The following NAALADL2 variants were observed in gnomAD, a reference collection of about 807,000 sequenced individuals.
NAALADL2 encodes inactive N-acetylated-alpha-linked acidic dipeptidase-like protein 2.
Under a neutral mutation model 87.2 loss-of-function variants are expected in NAALADL2, and 76 were observed. The observed-to-expected ratio is 0.87, with a 90% CI of 0.72 to 1.05. The LOEUF is 1.05. Among genes scored for constraint, NAALADL2 ranks in the 50% least tolerant of loss-of-function variants. The probability of loss-of-function intolerance (pLI) is 0.00; values close to 1 mark genes in which losing one functional copy is unlikely to be tolerated. For synonymous variants in NAALADL2, 354 were observed against 331.0 expected (o/e 1.07, Z -0.75); for missense variants, 1,089 against 945.8 (o/e 1.15, Z -1.99).
rs543137936 is a variant in NAALADL2, at chr3:175,809,067, A to AT, written c.*5869dup. 5.3e-5 allele frequency: 8 copies of AT among 152,054 alleles called. No individual in the cohort carries two copies. Among genetic ancestry groups the AT allele is most frequent in the Non-Finnish European group, 7.4e-5 (5 of 67,940 alleles). 9.4% of individuals were successfully genotyped at this position (152,054 alleles called of 1,614,324 possible). Reference sequence around the variant, plus strand: ...TGCTAGTGTTTTATTAATATTAAAAATTTTTGTTTACTTATATATCAAGCT... The same window carrying AT: ...TGCTAGTGTTTTATTAATATTAAAAATTTTTTGTTTACTTATATATCAAGCT... On this transcript the variant is annotated 3_prime_UTR_variant, in exon 14 of 14. Coordinates refer to ENST00000454872, the MANE Select transcript of NAALADL2 (RefSeq NM_207015.3).
Position 175,808,720 on chromosome 3 carries a change from G to C in NAALADL2, c.*5517G>C, listed in dbSNP as rs1754910726. The C allele has an allele frequency of 6.6e-6, 1 of 151,920 alleles. No homozygotes were observed. The highest frequency in any genetic ancestry group is 1.5e-5 in the Non-Finnish European group (1 of 67,944). The allele number at this position is 151,920 out of a possible 1,614,324, so 9.4% of individuals were successfully genotyped here. ...GCCATATGTCATGTGCTATATTCCT[G>C]CAAGCTCAAGAGATTAATATACAAT... On this transcript the variant is annotated 3_prime_UTR_variant, in exon 14 of 14. Transcript: ENST00000454872.
rs914266351 is a variant in NAALADL2 at position 175,065,886 on chromosome 3, T to A, written c.44-30904T>A. Among the ~76,000 whole-genome samples, 8 of 152,190 alleles carry A rather than the reference T, an allele frequency of 5.3e-5. No individual in the cohort carries two copies. The East Asian group carries it at 1.5e-3, about 29-fold the overall frequency. On this transcript the variant is annotated intron_variant, in intron 1 of 13. Coordinates refer to ENST00000454872, the MANE Select transcript of NAALADL2 (RefSeq NM_207015.3). ...AGTTATGTAAGTTTCCATATAGCTG[T>A]GAGCAACAGAGATATAGAGAATTGA...
Position 175,716,520 on chromosome 3 carries a change from G to A in NAALADL2, c.1897-20786G>A, listed in dbSNP as rs1582995327. On this transcript the variant is annotated intron_variant, in intron 11 of 13. Transcript: ENST00000454872. The stretch of plus-strand genomic sequence containing the variant: ...ACTAAGAAGCTCAAAATTAAGCTGA[G>A]GGTTAAAGGATGAGAATGAGTCAGC... Among the ~76,000 whole-genome samples, 4 of 151,990 alleles carry A rather than the reference G, an allele frequency of 2.6e-5. No homozygotes were observed. In the East Asian group the frequency reaches 5.8e-4, roughly 22 times the overall value.
rs561949745 is a variant in NAALADL2 at position 174,945,187 on chromosome 3, G to A, written c.43+85737G>A. On this transcript the variant is annotated intron_variant, in intron 1 of 13. Transcript: ENST00000454872. Reference sequence around the variant, plus strand: ...AAAAGAGGTATACCAGAATTAATGAGAAACCGTGTACCAGGCTCTGAGCCA... The same window carrying A: ...AAAAGAGGTATACCAGAATTAATGAAAAACCGTGTACCAGGCTCTGAGCCA... 2.1e-4 allele frequency among the ~76,000 whole-genome samples: 32 copies of A among 152,266 alleles called. No homozygotes were observed. The South Asian group carries it at 2.9e-3, about 14-fold the overall frequency.
intron 2 of NAALADL2, among the ~76,000 whole-genome samples, chr3:174,579,061 C>A (rs2108554737): frequency 6.6e-6 from 1 of 152,034 alleles, no homozygotes; most frequent in South Asian, 2.1e-4. Flanking sequence ...AGACCACTAA[C>A]ACCTTGAATG....
chr3:174,896,553 G>A (rs1454208828), intron 1 of NAALADL2, among the ~76,000 whole-genome samples: 1 of 152,020 alleles, frequency 6.6e-6, no homozygotes, highest in Non-Finnish European at 1.5e-5. Context: ...CCTTATCCAT[G>A]GATTAGAAGA....
At chr3:174,884,587 G>T (rs561997491) in intron 1 of NAALADL2, among the ~76,000 whole-genome samples, 1 of 152,150 alleles carries the variant, frequency 6.6e-6, no homozygotes, top group African/African-American at 2.4e-5. Flanking sequence ...CAGAAGCATT[G>T]TGTGCAGGAT....
chr3:175,668,474 C>G (rs1733510626), intron 11 of NAALADL2, among the ~76,000 whole-genome samples: 2 of 151,972 alleles, frequency 1.3e-5, no homozygotes, highest in African/African-American at 4.8e-5. Flanking sequence ...AAAACTGAAG[C>G]TACACTACAC....
At chr3:175,733,803 G>A (rs950204645) in intron 11 of NAALADL2, among the ~76,000 whole-genome samples, 1 of 152,168 alleles carries the variant, frequency 6.6e-6, no homozygotes, top group Non-Finnish European at 1.5e-5. Flanking sequence ...TTACAAATGG[G>A]AGAAATTGAC....
chr3:174,505,294 G>C (rs546066441), intron 1 of NAALADL2, among the ~76,000 whole-genome samples: 1 of 152,226 alleles, frequency 6.6e-6, no homozygotes, highest in Admixed American at 6.5e-5. Context: ...TGAAAAAATT[G>C]TGAGTTAATA....
At chr3:175,764,107 CTTTAT>C (rs894228334) in intron 13 of NAALADL2, among the ~76,000 whole-genome samples, 3 of 150,240 alleles carry the variant, frequency 2.0e-5, no homozygotes, top group African/African-American at 7.3e-5. Flanking sequence ...TTAAATTAAC[CTTTAT>C]TTTATTATTA....
At chr3:175,154,105 C>A (rs1196123981) in intron 2 of NAALADL2, among the ~76,000 whole-genome samples, 2 of 152,044 alleles carry the variant, frequency 1.3e-5, no homozygotes, top group Non-Finnish European at 2.9e-5. Context: ...GAAGTGGTGG[C>A]CAGTGTAACT....
At chr3:174,792,278 GGGAGGGAA>G (rs1377797261) in intron 3 of NAALADL2, among the ~76,000 whole-genome samples, 1 of 151,238 alleles carries the variant, frequency 6.6e-6, no homozygotes, top group African/African-American at 2.4e-5. Flanking sequence ...GAAGGAAGGA[GGGAGGGAA>G]GGAGGGAGGG....
intron 11 of NAALADL2, among the ~76,000 whole-genome samples, chr3:175,693,149 T>A (rs1410499355): frequency 6.6e-6 from 1 of 152,150 alleles, no homozygotes; most frequent in African/African-American, 2.4e-5. Flanking sequence ...CCAACAGTGA[T>A]GTGTGAGACC....
chr3:175,100,539 A>T lies in NAALADL2; in HGVS notation c.545+3248A>T, dbSNP rs1399310990. ...TAAGAGATTCACAAGCTAGTTGCTG[A>T]TAAAAGTGCAAAAGAAGGCCAGGGG... On this transcript the variant is annotated intron_variant, in intron 2 of 13. Coordinates refer to ENST00000454872, the MANE Select transcript of NAALADL2 (RefSeq NM_207015.3). 2.0e-5 allele frequency among the ~76,000 whole-genome samples: 3 copies of T among 152,166 alleles called. No individual in the cohort carries two copies. In the South Asian group the frequency reaches 6.2e-4, roughly 31 times the overall value.
intron 1 of NAALADL2, among the ~76,000 whole-genome samples, chr3:174,514,330 G>A (rs893894626): frequency 3.9e-5 from 6 of 152,086 alleles, no homozygotes; most frequent in African/African-American, 1.4e-4. Flanking sequence ...TGAGGCAAGA[G>A]CAACAACAAA....
intron 2 of NAALADL2, among the ~76,000 whole-genome samples, chr3:175,142,288 T>A (rs1017070679): frequency 6.6e-6 from 1 of 152,054 alleles, no homozygotes; most frequent in African/African-American, 2.4e-5. Flanking sequence ...ATGCTTTAGA[T>A]TAATTTCGTT....
At chr3:174,693,192 C>T (rs1728739438) in intron 2 of NAALADL2, among the ~76,000 whole-genome samples, 1 of 151,958 alleles carries the variant, frequency 6.6e-6, no homozygotes, top group Non-Finnish European at 1.5e-5. Context: ...TATTGCTTAA[C>T]TTTGGTTCAT....
intron 3 of NAALADL2, among the ~76,000 whole-genome samples, chr3:174,750,957 T>C (rs1243722450): frequency 6.6e-6 from 1 of 152,156 alleles, no homozygotes; most frequent in Non-Finnish European, 1.5e-5. Context: ...ATTGTATGCA[T>C]ATATTCACAT....
Sources: gnomAD v4.1 joint callset for allele counts (sites outside exome capture counted in the v4.1 genomes callset) on GRCh38, gnomAD v4.1.1 for gene constraint, MANE v1.5 for transcripts, NCBI Gene and HGNC (gene_info 2026-07-23, HGNC 2026-07-21) for gene names.